Variants in GRM7 observed in about 807,000 individuals in gnomAD.
GRM7 encodes the protein glutamate metabotropic receptor 7.
GRM7 carries 35 observed loss-of-function variants against 84.5 expected under a neutral mutation model. That is an observed-to-expected ratio of 0.41 (90% CI 0.32 to 0.55). The LOEUF (loss-of-function observed/expected upper bound fraction) is 0.55, where lower values mean the gene tolerates loss of function less well. Ranked by LOEUF, GRM7 falls within the 20% of genes least tolerant of loss-of-function variation. The pLI is 0.19. For missense variants in GRM7, 1,003 were observed against 1,194.6 expected (o/e 0.84, Z 2.36); for synonymous variants, 487 against 455.1 (o/e 1.07, Z -0.89).
intron 2 of GRM7, among the ~76,000 whole-genome samples, chr3:7,290,548 G>A (rs892052358): frequency 2.0e-5 from 3 of 152,180 alleles, no homozygotes; most frequent in Non-Finnish European, 4.4e-5. Flanking sequence ...TCATTAGCAT[G>A]TGCAGATAGC....
At chr3:6,931,999 G>T (rs572166415) in intron 1 of GRM7, among the ~76,000 whole-genome samples, 1 of 152,318 alleles carries the variant, frequency 6.6e-6, no homozygotes, top group Admixed American at 6.5e-5. Context: ...CGTGGGTAGG[G>T]TGACAGGTGT....
At chr3:6,944,632 T>C (rs1275841548) in intron 1 of GRM7, among the ~76,000 whole-genome samples, 2 of 152,162 alleles carry the variant, frequency 1.3e-5, no homozygotes, top group African/African-American at 2.4e-5. Flanking sequence ...TTCTGTAGTT[T>C]TCTTTTCTTA....
intron 7 of GRM7, among the ~76,000 whole-genome samples, chr3:7,558,642 T>C (rs185764612): frequency 3.9e-5 from 6 of 152,160 alleles, no homozygotes; most frequent in Non-Finnish European, 5.9e-5. Flanking sequence ...GGGGTCCACA[T>C]ATTTTAGTAA....
At position 6,996,504 on chromosome 3, in the gene GRM7, A is replaced by G. The variant is rs141939032; in HGVS notation, c.519+134597A>G. On this transcript the variant is annotated intron_variant, in intron 1 of 9. Coordinates refer to ENST00000357716, the MANE Select transcript of GRM7 (RefSeq NM_000844.4). Reference sequence around the variant, plus strand: ...TCCAGCATCCTGTGATCCAGTCAGGAGTTCTCTGGACAATGTCATACTATT... The same window carrying G: ...TCCAGCATCCTGTGATCCAGTCAGGGGTTCTCTGGACAATGTCATACTATT... 7.2e-5 allele frequency among the ~76,000 whole-genome samples: 11 copies of G among 152,302 alleles called. No individual in the cohort carries two copies. The East Asian group carries it at 1.9e-3, about 27-fold the overall frequency.
At chr3:7,347,866 T>C (rs989127) in intron 4 of GRM7, among the ~76,000 whole-genome samples, 36,109 of 152,152 alleles carry the variant, frequency 0.24, 5,191 homozygotes, top group East Asian at 0.37. Context: ...TGGACTTCAG[T>C]CGGTTCTCTG....
chr3:6,991,624 T>C (rs1055857419), intron 1 of GRM7, among the ~76,000 whole-genome samples: 1 of 152,040 alleles, frequency 6.6e-6, no homozygotes, highest in Non-Finnish European at 1.5e-5. Flanking sequence ...TTAAATTTTT[T>C]TCCAACTTTA....
chr3:7,469,487 A>T (rs777910907), intron 7 of GRM7, among the ~76,000 whole-genome samples: 3 of 152,210 alleles, frequency 2.0e-5, no homozygotes, highest in Non-Finnish European at 4.4e-5. Context: ...GCTCTTGAGG[A>T]ATGAAGTTGA....
intron 8 of GRM7, among the ~76,000 whole-genome samples, chr3:7,601,288 G>T (rs146834234): frequency 2.1e-4 from 32 of 152,150 alleles, no homozygotes; most frequent in African/African-American, 7.5e-4. Flanking sequence ...GCATCCAAAG[G>T]CATTCTAAGA....
chr3:7,650,005 A>G (rs1286529218), intron 8 of GRM7, among the ~76,000 whole-genome samples: 1 of 152,170 alleles, frequency 6.6e-6, no homozygotes, highest in Non-Finnish European at 1.5e-5. Context: ...GGATTTAATT[A>G]TAGGGTGACT....
At chr3:6,947,773 T>G (rs1698146051) in intron 1 of GRM7, among the ~76,000 whole-genome samples, 2 of 152,308 alleles carry the variant, frequency 1.3e-5, no homozygotes, top group South Asian at 4.1e-4. Context: ...TCTTCCTGGT[T>G]TAGTCTTGGG....
intron 9 of GRM7, among the ~76,000 whole-genome samples, chr3:7,736,193 CTA>C (rs1702493228): frequency 6.6e-6 from 1 of 152,090 alleles, no homozygotes; most frequent in African/African-American, 2.4e-5. Flanking sequence ...CATCTTGAAT[CTA>C]TGTTTTTAAA....
At chr3:7,616,340 A>G (rs966044413) in intron 8 of GRM7, among the ~76,000 whole-genome samples, 2 of 152,130 alleles carry the variant, frequency 1.3e-5, no homozygotes, top group South Asian at 2.1e-4. Flanking sequence ...GCATAAATCT[A>G]TGCTTCGTGT....
chr3:7,414,932 A>G, intron 4 of GRM7, 91 bp from the exon 5 acceptor site: 1 of 1,075,876 alleles, frequency 9.3e-7, no homozygotes, highest in Non-Finnish European at 1.3e-6. Context: ...AATTCACTGA[A>G]ACAAAGAAAA....
intron 4 of GRM7, among the ~76,000 whole-genome samples, chr3:7,342,949 G>T (rs1508720): frequency 0.19 from 29,215 of 152,048 alleles, 3,497 homozygotes; most frequent in African/African-American, 0.33. Flanking sequence ...GGAGATCCTT[G>T]TGAGGACCCA....
At chr3:7,305,904 T>A (rs930454725) in intron 3 of GRM7, among the ~76,000 whole-genome samples, 1 of 152,154 alleles carries the variant, frequency 6.6e-6, no homozygotes, top group African/African-American at 2.4e-5. Flanking sequence ...TTGCAATAAC[T>A]TTTTCATTAA....
At chr3:7,344,149 C>T (rs185995444) in intron 4 of GRM7, among the ~76,000 whole-genome samples, 3 of 151,722 alleles carry the variant, frequency 2.0e-5, no homozygotes, top group Non-Finnish European at 2.9e-5. Context: ...CATAGGTAAA[C>T]TTGTGACATG....
chr3:7,635,536 G>T (rs1698055511), intron 8 of GRM7, among the ~76,000 whole-genome samples: 1 of 152,172 alleles, frequency 6.6e-6, no homozygotes, highest in African/African-American at 2.4e-5. Context: ...GCAATAGTCT[G>T]CCCTGTTGCC....
intron 2 of GRM7, among the ~76,000 whole-genome samples, chr3:7,281,851 C>T (rs1470538510): frequency 1.3e-5 from 2 of 152,140 alleles, no homozygotes; most frequent in Non-Finnish European, 2.9e-5. Context: ...GAGGCCAAGG[C>T]GGAAGGATTG....
intron 2 of GRM7, among the ~76,000 whole-genome samples, chr3:7,246,090 A>G (rs529775676): frequency 1.8e-4 from 27 of 152,066 alleles, no homozygotes; most frequent in African/African-American, 6.5e-4. Flanking sequence ...CTTTAACACA[A>G]TTTTTTTTCT....
Sources: gnomAD v4.1 joint callset for allele counts (sites outside exome capture counted in the v4.1 genomes callset) on GRCh38, gnomAD v4.1.1 for gene constraint, MANE v1.5 for transcripts, NCBI Gene and HGNC (gene_info 2026-07-23, HGNC 2026-07-21) for gene names.